The following BCAS3 variants were observed in gnomAD, a reference collection of about 807,000 sequenced individuals.
The protein encoded by BCAS3 is BCAS3 microtubule associated cell migration factor, also known as BCAS4/BCAS3 fusion.
Under a neutral mutation model 116.1 loss-of-function variants are expected in BCAS3, and 53 were observed. That is an observed-to-expected ratio of 0.46 (90% CI 0.37 to 0.57). The LOEUF is 0.57. BCAS3 is among the 20% of genes least tolerant of loss of function. The pLI, the probability that BCAS3 is intolerant of heterozygous loss-of-function variation, is 0.00. For missense variants in BCAS3, 917 were observed against 1,165.4 expected (o/e 0.79, Z 3.10); for synonymous variants, 391 against 408.2 (o/e 0.96, Z 0.51).
Position 61,145,964 on chromosome 17 carries a change from C to T in BCAS3, c.2425+61400C>T, listed in dbSNP as rs1426382606. 6.6e-6 allele frequency among the ~76,000 whole-genome samples: 1 copy of T among 152,110 alleles called. No individual in the cohort carries two copies. The highest frequency in any genetic ancestry group is 1.5e-5 in the Non-Finnish European group (1 of 68,028). ...AAGATACTCCTGGAATCTGAGATTA[C>T]CTTTTATCCTCTTGATGGACCATGT... On this transcript the variant is annotated intron_variant, in intron 22 of 23. Coordinates refer to ENST00000407086, the MANE Select transcript of BCAS3 (RefSeq NM_017679.5). This position sits in a 1 kb window ranked among gnomAD's most constrained non-coding sequence, Gnocchi z 5.0.
intron 6 of BCAS3, among the ~76,000 whole-genome samples, chr17:60,789,422 G>C (rs181708070): frequency 6.6e-6 from 1 of 152,258 alleles, no homozygotes. Context: ...AGGAGTTGGT[G>C]ACTTGGTGGG....
At chr17:61,375,387 G>A (rs1465202509) in intron 23 of BCAS3, among the ~76,000 whole-genome samples, 2 of 151,884 alleles carry the variant, frequency 1.3e-5, no homozygotes, top group Non-Finnish European at 2.9e-5. Context: ...CCCCTCTCCT[G>A]CCTCTAGAAT....
intron 4 of BCAS3, among the ~76,000 whole-genome samples, chr17:60,694,729 G>A (rs1475366745): frequency 1.3e-5 from 2 of 151,714 alleles, no homozygotes; most frequent in Non-Finnish European, 2.9e-5. Flanking sequence ...TCCCACCTCG[G>A]TGTCCCAAAG....
chr17:60,942,349 C>T (rs1284101636), intron 13 of BCAS3, among the ~76,000 whole-genome samples: 1 of 152,134 alleles, frequency 6.6e-6, no homozygotes, highest in Non-Finnish European at 1.5e-5. Context: ...ATTGCTTGAA[C>T]CCGGGAGGCG....
intron 22 of BCAS3, among the ~76,000 whole-genome samples, chr17:61,329,343 A>ATTATTATTT (rs1555831750): frequency 7.6e-5 from 10 of 131,296 alleles, no homozygotes; most frequent in African/African-American, 2.6e-4. Flanking sequence ...TATTATTATT[A>ATTATTATTT]TTTTTTTTTT....
rs2080697195 is a variant in BCAS3, at chr17:61,199,545, G to A, written c.2425+114981G>A. ...CACATATTTTTTTCCCTTCTAATTTGTGCCCTGACTGCACCTTGTGAAAGG... is the reference window on the plus strand; with the variant it reads ...CACATATTTTTTTCCCTTCTAATTTATGCCCTGACTGCACCTTGTGAAAGG... On this transcript the variant is annotated intron_variant, in intron 22 of 23. Coordinates refer to ENST00000407086, the MANE Select transcript of BCAS3 (RefSeq NM_017679.5). This position sits in a 1 kb window ranked among gnomAD's most constrained non-coding sequence, Gnocchi z 4.6. Among the ~76,000 whole-genome samples the A allele has an allele frequency of 6.6e-6, 1 of 152,102 alleles. No individual in the cohort carries two copies. Among genetic ancestry groups the A allele is most frequent in the Middle Eastern group, 3.4e-3 (1 of 294 alleles).
intron 6 of BCAS3, among the ~76,000 whole-genome samples, chr17:60,763,484 G>A (rs2043759613): frequency 6.6e-6 from 1 of 152,078 alleles, no homozygotes; most frequent in South Asian, 2.1e-4. Flanking sequence ...TTCTGTTTAT[G>A]TGATGGATTA....
At chr17:61,006,270 A>T (rs1484140485) in intron 15 of BCAS3, among the ~76,000 whole-genome samples, 5 of 152,078 alleles carry the variant, frequency 3.3e-5, no homozygotes, top group Non-Finnish European at 5.9e-5. Flanking sequence ...AAAGTACATA[A>T]AGATAAGTTC....
At chr17:61,055,699 C>T (rs2143243986) in intron 19 of BCAS3, among the ~76,000 whole-genome samples, 1 of 152,272 alleles carries the variant, frequency 6.6e-6, no homozygotes, top group Non-Finnish European at 1.5e-5. Flanking sequence ...CCAAATTACT[C>T]TTCTAATTTT....
At chr17:61,311,131 G>A (rs187884024) in intron 22 of BCAS3, among the ~76,000 whole-genome samples, 169 of 152,280 alleles carry the variant, frequency 1.1e-3, no homozygotes, top group African/African-American at 3.9e-3. Flanking sequence ...CTGCTTGGCA[G>A]TAAATGCTAT....
chr17:60,805,121 TATTTA>T (rs1281924216), intron 6 of BCAS3, among the ~76,000 whole-genome samples: 2 of 151,872 alleles, frequency 1.3e-5, no homozygotes, highest in African/African-American at 4.8e-5. Context: ...ATAAATAACA[TATTTA>T]TATGTATATA....
chr17:61,062,136 T>C (rs1053526995), intron 19 of BCAS3, among the ~76,000 whole-genome samples: 1 of 152,218 alleles, frequency 6.6e-6, no homozygotes, highest in Non-Finnish European at 1.5e-5. Context: ...GTATCAATTG[T>C]ATTGTTCCTA....
At chr17:61,182,347 CTT>C (rs1442970636) in intron 22 of BCAS3, among the ~76,000 whole-genome samples, 1 of 151,804 alleles carries the variant, frequency 6.6e-6, no homozygotes, top group Non-Finnish European at 1.5e-5. Context: ...TTTTTAACTT[CTT>C]ATTTTGAAAA....
chr17:60,861,953 A>G (rs1366899037), intron 7 of BCAS3, among the ~76,000 whole-genome samples: 13 of 152,010 alleles, frequency 8.6e-5, no homozygotes, highest in Admixed American at 8.5e-4. Flanking sequence ...AATTTTCCTT[A>G]TTTGTTAATG....
At chr17:60,762,033 G>T (rs1235089218) in intron 6 of BCAS3, among the ~76,000 whole-genome samples, 1 of 152,094 alleles carries the variant, frequency 6.6e-6, no homozygotes, top group African/African-American at 2.4e-5. Flanking sequence ...CATATCCTTT[G>T]CCCGCTTTTG....
At chr17:61,374,857 T>A (rs912710109) in intron 23 of BCAS3, among the ~76,000 whole-genome samples, 5 of 152,220 alleles carry the variant, frequency 3.3e-5, no homozygotes, top group Admixed American at 6.5e-5. Context: ...TTTCATTTTT[T>A]AAAAAATGCA....
chr17:61,144,622 C>T lies in BCAS3; in HGVS notation c.2425+60058C>T, dbSNP rs947377162. 6.6e-6 allele frequency among the ~76,000 whole-genome samples: 1 copy of T among 152,090 alleles called. No homozygotes were observed. Among genetic ancestry groups the T allele is most frequent in the African/African-American group, 2.4e-5 (1 of 41,414 alleles). The stretch of plus-strand genomic sequence containing the variant: ...AGTTTGAAAATTTATGATTGTTGAT[C>T]CTCAATAGTCAAAAAAGTAGTCATT... On this transcript the variant is annotated intron_variant, in intron 22 of 23. Transcript: ENST00000407086. This position sits in a 1 kb window ranked among gnomAD's most constrained non-coding sequence, Gnocchi z 5.0.
intron 6 of BCAS3, among the ~76,000 whole-genome samples, chr17:60,759,210 T>C (rs1021530853): frequency 1.3e-5 from 2 of 152,202 alleles, no homozygotes; most frequent in African/African-American, 4.8e-5. Flanking sequence ...TTTCTAAAAA[T>C]TCGTTGAAAC....
Position 60,985,427 on chromosome 17 carries a change from G to A in BCAS3, c.1222-4544G>A, listed in dbSNP as rs1340806762. On this transcript the variant is annotated intron_variant, in intron 14 of 23. Coordinates refer to ENST00000407086, the MANE Select transcript of BCAS3 (RefSeq NM_017679.5). Reference sequence around the variant, plus strand: ...CTTCCAAAGTTCTGGGATTATGGGTGTGAGCTGTCACACCTGGTCCCAATT... The same window carrying A: ...CTTCCAAAGTTCTGGGATTATGGGTATGAGCTGTCACACCTGGTCCCAATT... 2.6e-5 allele frequency among the ~76,000 whole-genome samples: 4 copies of A among 152,176 alleles called. No individual in the cohort carries two copies. The South Asian group carries it at 6.2e-4, about 24-fold the overall frequency.
Sources: allele counts gnomAD v4.1 joint callset (sites outside exome capture counted in the v4.1 genomes callset), GRCh38; gene constraint gnomAD v4.1.1; non-coding constraint Gnocchi (gnomAD v3.1); transcripts MANE v1.5; gene names NCBI Gene and HGNC (gene_info 2026-07-23, HGNC 2026-07-21).